Variants in FOXK2 observed in about 807,000 individuals in gnomAD.
The protein encoded by FOXK2 is forkhead box K2.
FOXK2 carries 24 observed loss-of-function variants against 53.3 expected under a neutral mutation model. That is an observed-to-expected ratio of 0.45 (90% CI 0.33 to 0.63). The LOEUF is 0.63. Ranked by LOEUF, FOXK2 falls within the 30% of genes least tolerant of loss-of-function variation. The probability of loss-of-function intolerance (pLI) is 0.03; values close to 1 mark genes in which losing one functional copy is unlikely to be tolerated. For synonymous variants in FOXK2, 505 were observed against 407.1 expected (o/e 1.24, Z -2.89); for missense variants, 952 against 910.5 (o/e 1.05, Z -0.59).
chr17:82,596,557 T>C (rs1181672659), intron 8 of FOXK2, among the ~76,000 whole-genome samples: 1 of 14,364 alleles, frequency 7.0e-5, no homozygotes, highest in Admixed American at 2.3e-3. Context: ...GCGGGCAGTC[T>C]GTGTGGCAGG....
intron 8 of FOXK2, among the ~76,000 whole-genome samples, chr17:82,598,259 A>C (rs2045339774): frequency 6.6e-6 from 1 of 151,658 alleles, no homozygotes; most frequent in African/African-American, 2.4e-5. Context: ...TGTCCTTTTA[A>C]AAATTATTTA....
chr17:82,546,369 G>A (rs1349304033), intron 1 of FOXK2, among the ~76,000 whole-genome samples: 1 of 151,800 alleles, frequency 6.6e-6, no homozygotes, highest in Non-Finnish European at 1.5e-5. Flanking sequence ...CACCTGCCTC[G>A]GCCTCCCAGA....
At chr17:82,550,821 C>T (rs919825859) in intron 1 of FOXK2, among the ~76,000 whole-genome samples, 9 of 152,086 alleles carry the variant, frequency 5.9e-5, no homozygotes, top group Non-Finnish European at 1.2e-4. Flanking sequence ...GGGCTTTGTG[C>T]AGCTGTGCTG....
intron 4 of FOXK2, among the ~76,000 whole-genome samples, chr17:82,579,149 C>G (rs9889708): frequency 0.037 from 5,646 of 152,254 alleles, 343 homozygotes; most frequent in African/African-American, 0.13. Flanking sequence ...GCCATTTGCA[C>G]TGCTTGAGGG....
At chr17:82,578,750 T>C (rs1214939196) in intron 4 of FOXK2, 1 of 152,184 alleles carries the variant, frequency 6.6e-6, no homozygotes, top group African/African-American at 2.4e-5. Flanking sequence ...CTGGGTTCTT[T>C]TACGTTTTCA....
chr17:82,539,976 A>G (rs972332321), intron 1 of FOXK2, among the ~76,000 whole-genome samples: 2 of 147,778 alleles, frequency 1.4e-5, no homozygotes, highest in African/African-American at 5.0e-5. Context: ...AAAAAAAAAA[A>G]AATATCGATA....
chr17:82,560,330 A>C (rs989352266), intron 1 of FOXK2, among the ~76,000 whole-genome samples: 2 of 151,968 alleles, frequency 1.3e-5, no homozygotes, highest in Admixed American at 1.3e-4. Context: ...ATTTAAGGGA[A>C]GCGGTCTCAC....
intron 8 of FOXK2, among the ~76,000 whole-genome samples, chr17:82,597,044 G>A (rs1033058640): frequency 2.6e-5 from 4 of 152,154 alleles, no homozygotes; most frequent in African/African-American, 7.2e-5. Flanking sequence ...AGGCGGCGGC[G>A]CCTCTGGGTG....
intron 8 of FOXK2, chr17:82,588,451 CTGGCGGTTGG>C (rs2045218685): frequency 9.6e-6 from 1 of 104,556 alleles, no homozygotes; most frequent in Admixed American, 1.0e-4. Flanking sequence ...GGTTGGAGGG[CTGGCGGTTGG>C]AGGGCTGGCG....
chr17:82,558,449 A>G (rs1364974366), intron 1 of FOXK2, among the ~76,000 whole-genome samples: 2 of 152,256 alleles, frequency 1.3e-5, no homozygotes, highest in East Asian at 1.9e-4. Flanking sequence ...GCGTAACTCT[A>G]CGGAGAAGTA....
At chr17:82,597,130 G>A (rs940497797) in intron 8 of FOXK2, among the ~76,000 whole-genome samples, 6 of 152,226 alleles carry the variant, frequency 3.9e-5, no homozygotes, top group African/African-American at 1.4e-4. Flanking sequence ...GTCGACACAG[G>A]TCACGTGGGC....
intron 1 of FOXK2, among the ~76,000 whole-genome samples, chr17:82,522,041 CTTTTT>C (rs924582731): frequency 2.1e-4 from 22 of 107,268 alleles, no homozygotes; most frequent in African/African-American, 5.3e-4. Context: ...TTTAATCTGA[CTTTTT>C]TTTTTTTTTT....
At chr17:82,525,954 T>TTTTCTTATGTGGCCTGAATCCCAC (rs1567962864) in intron 1 of FOXK2, among the ~76,000 whole-genome samples, 103 of 143,594 alleles carry the variant, frequency 7.2e-4, no homozygotes, top group African/African-American at 2.6e-3. Context: ...ATCCCACACT[T>TTTTCTTATGTGGCCTGAATCCCAC]ACTTTCTTAT....
intron 1 of FOXK2, among the ~76,000 whole-genome samples, chr17:82,554,119 A>G (rs993046109): frequency 1.3e-5 from 2 of 152,228 alleles, no homozygotes; most frequent in African/African-American, 4.8e-5. Context: ...GGCGTGAGCC[A>G]CCGGACGTGG....
intron 3 of FOXK2, 96 bp downstream of exon 3, chr17:82,568,297 T>G: frequency 6.9e-7 from 1 of 1,441,022 alleles, no homozygotes; most frequent in East Asian, 2.3e-5. Context: ...GCCTGTCCAG[T>G]GACAGCCCTG....
intron 8 of FOXK2, among the ~76,000 whole-genome samples, chr17:82,594,726 G>A (rs140096337): frequency 9.8e-5 from 15 of 152,296 alleles, no homozygotes; most frequent in South Asian, 2.1e-4. Flanking sequence ...AGATGGACTC[G>A]CAGAGGAACT....
At chr17:82,546,551 G>A (rs2044627308) in intron 1 of FOXK2, among the ~76,000 whole-genome samples, 1 of 152,168 alleles carries the variant, frequency 6.6e-6, no homozygotes, top group South Asian at 2.1e-4. Flanking sequence ...GGTCCCGAGT[G>A]GAGGGAGAGG....
intron 1 of FOXK2, among the ~76,000 whole-genome samples, chr17:82,562,910 A>G (rs137880183): frequency 6.6e-6 from 1 of 151,962 alleles, no homozygotes; most frequent in African/African-American, 2.4e-5. Context: ...GGCTCAAGCA[A>G]TCCTCCTGCC....
intron 1 of FOXK2, among the ~76,000 whole-genome samples, chr17:82,542,577 C>T (rs754467711): frequency 1.6e-4 from 25 of 152,058 alleles, no homozygotes; most frequent in African/African-American, 5.8e-4. Context: ...GCCTCCCAAC[C>T]GTGAATTACT....
Sources: gnomAD v4.1 joint callset for allele counts (sites outside exome capture counted in the v4.1 genomes callset) on GRCh38, gnomAD v4.1.1 for gene constraint, MANE v1.5 for transcripts, NCBI Gene and HGNC (gene_info 2026-07-23, HGNC 2026-07-21) for gene names.